Variants in ARID1B observed in about 807,000 individuals in gnomAD.
ARID1B encodes the protein AT-rich interactive domain-containing protein 1B.
ARID1B carries 30 observed loss-of-function variants against 212.3 expected under a neutral mutation model. That is an observed-to-expected ratio of 0.14 (90% CI 0.11 to 0.19). The LOEUF (loss-of-function observed/expected upper bound fraction) is 0.19, where lower values mean the gene tolerates loss of function less well. Among genes scored for constraint, ARID1B ranks in the 10% least tolerant of loss-of-function variants. ARID1B has a pLI of 1.00. For synonymous variants in ARID1B, 1,402 were observed against 1,301.7 expected (o/e 1.08, Z -1.66); for missense variants, 2,891 against 3,204.0 (o/e 0.90, Z 2.36).
intron 1 of ARID1B, among the ~76,000 whole-genome samples, chr6:156,820,719 G>A (rs1007221931): frequency 3.9e-5 from 6 of 152,126 alleles, no homozygotes; most frequent in Admixed American, 2.0e-4. Flanking sequence ...TGCCTGCTCC[G>A]TTATAACCTT....
In ARID1B at chr6:157,184,434, T is replaced by G; in HGVS notation, c.3918T>G (p.Pro1306=). 1 of 1,613,960 alleles carries G rather than the reference T, an allele frequency of 6.2e-7. No homozygotes were observed. Among genetic ancestry groups the G allele is most frequent in the Non-Finnish European group, 8.5e-7 (1 of 1,180,000 alleles). The change falls in exon 13 of 20, where the codon CCT becomes CCG. Residue 1306 remains proline, a splice_region_variant and synonymous_variant. Coordinates refer to ENST00000636930, the MANE Select transcript of ARID1B (RefSeq NM_001374828.1). ...KKQPKLQPPS[P]ANSGSLQGPQ... is the part of the protein sequence containing the mutation. ...AGCCCAAGCTCCAGCCGCCATCTCC[T>G]GGTAAGTGGCGGCGCTGCAGTCACT...
intron 1 of ARID1B, among the ~76,000 whole-genome samples, chr6:156,792,391 G>A (rs1399627983): frequency 2.6e-5 from 4 of 152,158 alleles, no homozygotes; most frequent in Admixed American, 2.6e-4. Flanking sequence ...AGTGCTTGAG[G>A]CCAGGAGTCC....
At chr6:157,069,893 G>A (rs1157411478) in intron 4 of ARID1B, among the ~76,000 whole-genome samples, 1 of 152,156 alleles carries the variant, frequency 6.6e-6, no homozygotes, top group African/African-American at 2.4e-5. Context: ...CAGCGTCCTA[G>A]CCTATACGAA....
intron 4 of ARID1B, among the ~76,000 whole-genome samples, chr6:157,009,930 T>C (rs1018203884): frequency 5.3e-5 from 8 of 152,222 alleles, no homozygotes; most frequent in African/African-American, 1.9e-4. Flanking sequence ...TGATGTAATA[T>C]AGCCAACCTG....
chr6:157,190,125 C>A lies in ARID1B; in HGVS notation c.4146C>A (p.Pro1382=), dbSNP rs748995523. 2 of 1,614,198 alleles carry A rather than the reference C, an allele frequency of 1.2e-6. No homozygotes were observed. The highest frequency in any genetic ancestry group is 1.3e-5 in the African/African-American group (1 of 75,068). Reference sequence around the variant, plus strand: ...GGAACTCCATGACTCCAAACGCCCCCTACCAGCAGGGCATGAGCATGCCCG... The same window carrying A: ...GGAACTCCATGACTCCAAACGCCCCATACCAGCAGGGCATGAGCATGCCCG... ...PKRNSMTPNA[P]YQQGMSMPDV... The change falls in exon 15 of 20, where the codon CCC becomes CCA. Residue 1382 remains proline (P), a synonymous_variant. Coordinates refer to ENST00000636930, the MANE Select transcript of ARID1B (RefSeq NM_001374828.1). The surrounding 1 kb of genome is among the most constrained non-coding windows in gnomAD (Gnocchi z 4.6).
intron 1 of ARID1B, among the ~76,000 whole-genome samples, chr6:156,813,184 A>C (rs1050271789): frequency 6.7e-6 from 1 of 150,236 alleles, no homozygotes; most frequent in Non-Finnish European, 1.5e-5. Context: ...GCTCACTGCA[A>C]CCTCTGCCAC....
chr6:156,887,546 A>C (rs1787608637), intron 2 of ARID1B, among the ~76,000 whole-genome samples: 1 of 152,158 alleles, frequency 6.6e-6, no homozygotes, highest in Non-Finnish European at 1.5e-5. Context: ...GCTTTAAATT[A>C]ATGCAGTTTT....
Position 156,778,900 on chromosome 6 carries a change from G to GAGGAGGAGGAGGAGCAGGAGC in ARID1B, c.1229_1249dup (p.Gly410_Gly416dup). 1.5e-6 allele frequency: 2 copies of GAGGAGGAGGAGGAGCAGGAGC among 1,370,008 alleles called. No individual in the cohort carries two copies. The highest frequency in any genetic ancestry group is 1.9e-6 in the Non-Finnish European group (2 of 1,063,572). 84.9% of individuals were successfully genotyped at this position (1,370,008 alleles called of 1,614,324 possible). A position where few individuals can be genotyped will look rare whatever the true frequency, so the allele number is the denominator to read the frequency against. ...GGAGGAGGAGGCAGCGGAGGAGGAG[G>GAGGAGGAGGAGGAGCAGGAGC]AGGAGGAGGAGGAGCAGGAGCAGGA... On this transcript the variant is annotated inframe_insertion, in exon 1 of 20. Transcript: ENST00000636930.
chr6:156,814,151 C>CA (rs1203662776), intron 1 of ARID1B, among the ~76,000 whole-genome samples: 4 of 152,174 alleles, frequency 2.6e-5, no homozygotes, highest in African/African-American at 9.7e-5. Context: ...AGTGGTGGCT[C>CA]ACGTCTGTAA....
chr6:157,018,931 C>G (rs546715177), intron 4 of ARID1B, among the ~76,000 whole-genome samples: 2 of 151,818 alleles, frequency 1.3e-5, no homozygotes, highest in Non-Finnish European at 2.9e-5. Context: ...CCTCAAAGGG[C>G]AAATGTACAG....
At chr6:156,783,070 C>G (rs1157532426) in intron 1 of ARID1B, among the ~76,000 whole-genome samples, 1 of 151,790 alleles carries the variant, frequency 6.6e-6, no homozygotes, top group Non-Finnish European at 1.5e-5. Context: ...ATGCTAGGGA[C>G]TAGCACATCC....
chr6:156,795,469 T>G (rs1428669571), intron 1 of ARID1B, among the ~76,000 whole-genome samples: 3 of 152,212 alleles, frequency 2.0e-5, no homozygotes, highest in Admixed American at 1.3e-4. Flanking sequence ...TGCTAAAAGT[T>G]GTCAACCAAA....
At chr6:157,159,771 G>A (rs1790811967) in intron 8 of ARID1B, among the ~76,000 whole-genome samples, 1 of 152,206 alleles carries the variant, frequency 6.6e-6, no homozygotes, top group African/African-American at 2.4e-5. Flanking sequence ...GGCCCTGTGG[G>A]CAGTGCCACA....
intron 1 of ARID1B, among the ~76,000 whole-genome samples, chr6:156,818,202 A>G (rs766851250): frequency 1.7e-4 from 25 of 149,184 alleles, no homozygotes; most frequent in Admixed American, 4.7e-4. Context: ...AAGAGTCAAT[A>G]TATGCTTACA....
intron 3 of ARID1B, among the ~76,000 whole-genome samples, chr6:156,934,716 A>C (rs1205586124): frequency 6.6e-6 from 1 of 151,616 alleles, no homozygotes; most frequent in Non-Finnish European, 1.5e-5. Flanking sequence ...TTTTGAGGTA[A>C]TATTAAAGGC....
chr6:157,201,493 G>T lies in ARID1B; in HGVS notation c.5263+5G>T. 1 of 1,495,140 alleles carries T rather than the reference G, an allele frequency of 6.7e-7. No individual in the cohort carries two copies. The highest frequency in any genetic ancestry group is 1.4e-5 in the South Asian group (1 of 71,348). The allele number at this position is 1,495,140 out of a possible 1,614,324, so 92.6% of individuals were successfully genotyped here. On this transcript the variant is annotated splice_donor_5th_base_variant and intron_variant, in intron 18 of 19. Coordinates refer to ENST00000636930, the MANE Select transcript of ARID1B (RefSeq NM_001374828.1). This position sits in a 1 kb window ranked among gnomAD's most constrained non-coding sequence, Gnocchi z 5.2. Reference sequence around the variant, plus strand: ...AGATTACCTCCAAAGATATCGGTAAGAATTCCAAAGCTTTCATTCTGAAAT... The same window carrying T: ...AGATTACCTCCAAAGATATCGGTAATAATTCCAAAGCTTTCATTCTGAAAT...
intron 1 of ARID1B, among the ~76,000 whole-genome samples, chr6:156,805,685 T>C (rs1391827037): frequency 6.6e-6 from 1 of 152,196 alleles, no homozygotes; most frequent in Non-Finnish European, 1.5e-5. Flanking sequence ...TTGCAACTTT[T>C]TAATTATTTA....
chr6:156,797,682 C>T (rs999349458), intron 1 of ARID1B, among the ~76,000 whole-genome samples: 3 of 152,098 alleles, frequency 2.0e-5, no homozygotes, highest in Admixed American at 1.3e-4. Flanking sequence ...TGGATTTGGA[C>T]GTGTTGGGTT....
At chr6:157,006,128 T>C (rs1779240177) in intron 4 of ARID1B, among the ~76,000 whole-genome samples, 1 of 152,164 alleles carries the variant, frequency 6.6e-6, no homozygotes, top group Non-Finnish European at 1.5e-5. Context: ...GATCTCACTG[T>C]TAGGGAAACA....
Sources: allele counts gnomAD v4.1 joint callset (sites outside exome capture counted in the v4.1 genomes callset), GRCh38; gene constraint gnomAD v4.1.1; non-coding constraint Gnocchi (gnomAD v3.1); transcripts MANE v1.5; gene names NCBI Gene and HGNC (gene_info 2026-07-23, HGNC 2026-07-21).